The following CIRSR variants were observed in gnomAD, a reference collection of about 807,000 sequenced individuals.
CIRSR encodes corepressor of RBPJ and splicing regulator.
At chr2:174,354,771 T>TATA in the CIRSR span, among the ~76,000 whole-genome samples, 48 of 23,716 alleles carry the variant, frequency 2.0e-3, no homozygotes, top group African/African-American at 3.1e-3. Context: ...TATATATATA[T>TATA]TTTTTTTTTT....
At chr2:174,354,710 A>AT in the CIRSR span, among the ~76,000 whole-genome samples, 6 of 97,360 alleles carry the variant, frequency 6.2e-5, no homozygotes, top group Non-Finnish European at 9.4e-5. Flanking sequence ...TATTATATAT[A>AT]ATATAATATA....
chr2:174,380,200 G>T, the CIRSR span: 1 of 1,585,452 alleles, frequency 6.3e-7, no homozygotes, highest in Non-Finnish European at 8.6e-7. Context: ...TGTGTCACTT[G>T]CCTGAATACC....
the CIRSR span, among the ~76,000 whole-genome samples, chr2:174,392,326 T>C: frequency 6.6e-6 from 1 of 152,184 alleles, no homozygotes; most frequent in Non-Finnish European, 1.5e-5. Flanking sequence ...ATGACAAAGT[T>C]CTAAAATTGT....
At chr2:174,356,545 A>G in the CIRSR span, among the ~76,000 whole-genome samples, 1 of 149,394 alleles carries the variant, frequency 6.7e-6, no homozygotes, top group Non-Finnish European at 1.5e-5. Context: ...GAAGGAAGGA[A>G]GGAAGGAAAG....
At chr2:174,373,066 A>C in the CIRSR span, among the ~76,000 whole-genome samples, 1,338 of 152,338 alleles carry the variant, frequency 8.8e-3, 16 homozygotes, top group African/African-American at 0.031. Context: ...GATGGTTCTC[A>C]ACCTTGATGA....
At chr2:174,356,620 A>AGGAG in the CIRSR span, among the ~76,000 whole-genome samples, 1 of 150,066 alleles carries the variant, frequency 6.7e-6, no homozygotes, top group Non-Finnish European at 1.5e-5. Flanking sequence ...GAAGGAAGGA[A>AGGAG]GAAGGGGAAG....
chr2:174,376,220 C>T, the CIRSR span, among the ~76,000 whole-genome samples: 3 of 152,108 alleles, frequency 2.0e-5, no homozygotes, highest in Admixed American at 6.6e-5. Context: ...CATACTATTT[C>T]CACAAAGGTA....
chr2:174,395,560 AT>A, the CIRSR span: 3 of 1,613,984 alleles, frequency 1.9e-6, no homozygotes, highest in Non-Finnish European at 2.5e-6. Context: ...CTTTTTTGAT[AT>A]TGGATTTGGA....
chr2:174,395,464 C>G, the CIRSR span: 8 of 1,319,992 alleles, frequency 6.1e-6, no homozygotes, highest in East Asian at 1.8e-4. Context: ...TCCTAGGGAT[C>G]TCAGAGACAC....
At chr2:174,386,523 C>G in the CIRSR span, among the ~76,000 whole-genome samples, 6 of 151,802 alleles carry the variant, frequency 4.0e-5, no homozygotes, top group Admixed American at 3.9e-4. Flanking sequence ...ACATTTTGAA[C>G]TAGATAGTTC....
chr2:174,383,453 C>T, the CIRSR span, among the ~76,000 whole-genome samples: 1 of 152,080 alleles, frequency 6.6e-6, no homozygotes, highest in African/African-American at 2.4e-5. Context: ...GGCACGGGGG[C>T]TCACATCTGT....
At chr2:174,385,919 A>C in the CIRSR span, among the ~76,000 whole-genome samples, 28 of 152,342 alleles carry the variant, frequency 1.8e-4, no homozygotes, top group Admixed American at 1.6e-3. Flanking sequence ...TAATTGATGC[A>C]AGCAAGATCT....
the CIRSR span, among the ~76,000 whole-genome samples, chr2:174,376,893 GTTTT>G: frequency 1.3e-5 from 2 of 151,526 alleles, no homozygotes. Context: ...TTATGGGCAT[GTTTT>G]TTTGAGGTTT....
At chr2:174,362,566 C>T in the CIRSR span, among the ~76,000 whole-genome samples, 1 of 150,938 alleles carries the variant, frequency 6.6e-6, no homozygotes. Context: ...GCCTGTAGTC[C>T]CAGCTACTCA....
chr2:174,348,071 A>C, the CIRSR span: 1 of 159,062 alleles, frequency 6.3e-6, no homozygotes, highest in Non-Finnish European at 1.4e-5. Flanking sequence ...AATGAATTTG[A>C]ATAATTATTA....
the CIRSR span, among the ~76,000 whole-genome samples, chr2:174,377,534 T>G: frequency 1.3e-5 from 2 of 152,066 alleles, no homozygotes; most frequent in African/African-American, 4.8e-5. Context: ...AGGTGGTTAC[T>G]GGCCAGGCAT....
At chr2:174,371,131 G>A in the CIRSR span, among the ~76,000 whole-genome samples, 1 of 152,162 alleles carries the variant, frequency 6.6e-6, no homozygotes, top group Non-Finnish European at 1.5e-5. Context: ...TGAGGCTGGG[G>A]ACTAGAGGGT....
chr2:174,353,400 A>AG, the CIRSR span, among the ~76,000 whole-genome samples: 1 of 152,198 alleles, frequency 6.6e-6, no homozygotes, highest in Non-Finnish European at 1.5e-5. Context: ...TCTTAAATAA[A>AG]ATTGAATTTT....
At chr2:174,378,931 T>C in the CIRSR span, 1,347 of 1,609,964 alleles carry the variant, frequency 8.4e-4, 14 homozygotes, top group Admixed American at 0.021. Context: ...ACCTGAGCCA[T>C]CAGTGGGAAC....
Sources: allele counts gnomAD v4.1 joint callset (sites outside exome capture counted in the v4.1 genomes callset), GRCh38; gene constraint gnomAD v4.1.1; transcripts MANE v1.5; gene names NCBI Gene and HGNC (gene_info 2026-07-23, HGNC 2026-07-21).